The following ARHGEF17 variants were observed in gnomAD, a reference collection of about 807,000 sequenced individuals.
The protein encoded by ARHGEF17 is 164 kDa Rho-specific guanine-nucleotide exchange factor.
ARHGEF17 carries 80 observed loss-of-function variants against 174.0 expected under a neutral mutation model. That is an observed-to-expected ratio of 0.46 (90% CI 0.38 to 0.55). The LOEUF (loss-of-function observed/expected upper bound fraction) is 0.55. Ranked by LOEUF, ARHGEF17 falls within the 20% of genes least tolerant of loss-of-function variation. ARHGEF17 has a pLI of 0.00. For missense variants in ARHGEF17, 2,886 were observed against 2,839.7 expected (o/e 1.02, Z -0.37); for synonymous variants, 1,311 against 1,189.1 (o/e 1.10, Z -2.11).
Position 73,355,999 on chromosome 11 carries a change from G to A in ARHGEF17, c.3663+46G>A, listed in dbSNP as rs777246540. On this transcript the variant is annotated intron_variant, in intron 5 of 20. Transcript: ENST00000263674. ...GCAAGTGGGCAAGGCCTGGAAGCATGGGGGGATACAAGGAGGTCTAAGGCC... is the reference window on the plus strand; with the variant it reads ...GCAAGTGGGCAAGGCCTGGAAGCATAGGGGGATACAAGGAGGTCTAAGGCC... 6 of 1,609,036 alleles carry A rather than the reference G, an allele frequency of 3.7e-6. No individual in the cohort carries two copies. The East Asian group carries it at 1.1e-4, about 30-fold the overall frequency.
intron 2 of ARHGEF17, among the ~76,000 whole-genome samples, chr11:73,348,863 G>A (rs370720660): frequency 2.0e-5 from 3 of 152,156 alleles, no homozygotes; most frequent in East Asian, 1.9e-4. Flanking sequence ...CCCTGGTGTC[G>A]GGGTCAGGGA....
At chr11:73,367,371 A>C (rs1029947593) in intron 20 of ARHGEF17, among the ~76,000 whole-genome samples, 1 of 152,228 alleles carries the variant, frequency 6.6e-6, no homozygotes, top group Admixed American at 6.5e-5. Context: ...GTGACTCCTG[A>C]CTAGAGATTA....
In ARHGEF17 at chr11:73,309,996, C is replaced by T; in HGVS notation, c.1358C>T (p.Pro453Leu). 1 of 1,614,090 alleles carries T rather than the reference C, an allele frequency of 6.2e-7. No individual in the cohort carries two copies. Among genetic ancestry groups the T allele is most frequent in the Non-Finnish European group, 8.5e-7 (1 of 1,180,002 alleles). ...GCATTGAGGGATGGAGGATTTGAGC[C>T]TGAAAAGAGTCGACAGCGGAAGTCC... ...SRALRDGGFE[P>L]EKSRQRKSLS... The change falls in exon 1 of 21, where the codon CCT becomes CTT. Residue 453 changes from proline to leucine, a missense_variant. By Grantham distance (98) the Pro-to-Leu change is moderately conservative. Around this residue, in one of 4 missense-constraint regions of ARHGEF17, gnomAD observed 1,728 missense variants for 1,461.2 expected, o/e 1.18. Coordinates refer to ENST00000263674, the MANE Select transcript of ARHGEF17 (RefSeq NM_014786.4).
intron 3 of ARHGEF17, chr11:73,353,235 T>C (rs890344344): frequency 2.3e-5 from 14 of 605,420 alleles, no homozygotes; most frequent in African/African-American, 3.7e-5. Context: ...TGGCACGGAC[T>C]CCGACCCCAG....
chr11:73,314,123 G>A (rs1004325467), intron 1 of ARHGEF17, among the ~76,000 whole-genome samples: 1 of 152,168 alleles, frequency 6.6e-6, no homozygotes, highest in African/African-American at 2.4e-5. Context: ...CTTCCTTCTG[G>A]CTCCCAGAAT....
intron 8 of ARHGEF17, 27 bp from the exon 9 acceptor site, chr11:73,357,215 C>T (rs1865659159): frequency 6.2e-7 from 1 of 1,612,966 alleles, no homozygotes; most frequent in Non-Finnish European, 8.5e-7. Context: ...CCGACCCTGG[C>T]CAGAGCGCCC....
Position 73,309,940 on chromosome 11 carries a change from C to A in ARHGEF17, c.1302C>A (p.Thr434=), listed in dbSNP as rs759663609. Residue 434 remains threonine (T), a synonymous_variant, in exon 1 of 21, where the codon ACC becomes ACA. Transcript: ENST00000263674. ...GGCTCCTGCGGTCCCAGGCTCGAAC[C>A]CGTGCCAAAGGACCTGGAGGCACCT... ...GEGLLRSQAR[T]RAKGPGGTSR... is the part of the protein sequence containing the mutation. 2 of 1,613,720 alleles carry A rather than the reference C, an allele frequency of 1.2e-6. No individual in the cohort carries two copies. Among genetic ancestry groups the A allele is most frequent in the South Asian group, 2.2e-5 (2 of 91,078 alleles).
chr11:73,355,435 G>A (rs752645895), intron 3 of ARHGEF17, 98 bp from the exon 4 acceptor site: 25 of 765,844 alleles, frequency 3.3e-5, no homozygotes, highest in Non-Finnish European at 4.8e-5. Context: ...TCTAGTTGGA[G>A]GGAAAAGATG....
Position 73,360,385 on chromosome 11 carries a change from G to T in ARHGEF17, c.4272G>T (p.Ala1424=). 1 of 1,613,908 alleles carries T rather than the reference G, an allele frequency of 6.2e-7. No individual in the cohort carries two copies. Among genetic ancestry groups the T allele is most frequent in the Non-Finnish European group, 8.5e-7 (1 of 1,180,054 alleles). ...ACCGGGACCTGTCGGAGAAGCAGGC[G>T]CTGTGCTACGCGCTTTCCTTCCCGC... The part of the protein sequence containing the change: ...AMHRDLSEKQ[A]LCYALSFPPT... Residue 1424 remains alanine (A), a synonymous_variant, in exon 11 of 21, where the codon GCG becomes GCT. Coordinates refer to ENST00000263674, the MANE Select transcript of ARHGEF17 (RefSeq NM_014786.4).
intron 1 of ARHGEF17, among the ~76,000 whole-genome samples, chr11:73,324,614 A>G (rs1185855233): frequency 6.6e-6 from 1 of 152,224 alleles, no homozygotes; most frequent in Non-Finnish European, 1.5e-5. Context: ...GAGAGGTGGT[A>G]TTCAAACCAG....
At position 73,309,366 on chromosome 11, in the gene ARHGEF17, G is replaced by A. The variant is rs1457618516; in HGVS notation, c.728G>A (p.Ser243Asn). Residue 243 changes from serine (S) to asparagine (N), a missense_variant, in exon 1 of 21, where the codon AGC (serine) becomes AAC (asparagine). Physicochemically the swap from Ser to Asn is conservative, Grantham distance 46. Coordinates refer to ENST00000263674, the MANE Select transcript of ARHGEF17 (RefSeq NM_014786.4). ...TCCATCGCCGCCTCCTATCCTGTCA[G>A]CCGCAGTCGTGCTGCCAGCTCCAGC... is the stretch of plus-strand genomic sequence containing the variant. ...SSSIAASYPV[S>N]RSRAASSSEE... 3 of 1,598,690 alleles carry A rather than the reference G, an allele frequency of 1.9e-6. No homozygotes were observed. The highest frequency in any genetic ancestry group is 2.6e-6 in the Non-Finnish European group (3 of 1,173,468).
In ARHGEF17 at chr11:73,309,101, G is replaced by C; in HGVS notation, c.463G>C (p.Gly155Arg). ...SESPGTPSPD[G>R]AAWEPPARES... ...ATCCCCAGGAACGCCCAGCCCCGACGGTGCCGCGTGGGAGCCTCCGGCTCG... is the reference window on the plus strand; with the variant it reads ...ATCCCCAGGAACGCCCAGCCCCGACCGTGCCGCGTGGGAGCCTCCGGCTCG... The change falls in exon 1 of 21, where the codon GGT becomes CGT. Residue 155 changes from glycine to arginine, a missense_variant. Transcript: ENST00000263674. 3.2e-6 allele frequency: 5 copies of C among 1,553,622 alleles called. No homozygotes were observed. The highest frequency in any genetic ancestry group is 4.3e-6 in the Non-Finnish European group (5 of 1,153,020).
In ARHGEF17 at chr11:73,311,797, C is replaced by T. The variant is rs759028265; in HGVS notation, c.3159C>T (p.Thr1053=). 2 of 1,607,488 alleles carry T rather than the reference C, an allele frequency of 1.2e-6. No individual in the cohort carries two copies. The highest frequency in any genetic ancestry group is 2.2e-5 in the East Asian group (1 of 44,688). Residue 1053 remains threonine (T), a synonymous_variant, in exon 1 of 21, where the codon ACC becomes ACT. Coordinates refer to ENST00000263674, the MANE Select transcript of ARHGEF17 (RefSeq NM_014786.4). The part of the protein sequence containing the change: ...PEAARPADEP[T]PASKCCSKPQ... ...CAGCTCGGCCTGCAGATGAGCCTAC[C>T]CCTGCCAGCAAGTGCTGCAGCAAGC...
At position 73,309,539 on chromosome 11, in the gene ARHGEF17, C is replaced by T. The variant is rs1434015456; in HGVS notation, c.901C>T (p.Leu301=). 1.9e-6 allele frequency: 3 copies of T among 1,590,638 alleles called. No homozygotes were observed. The highest frequency in any genetic ancestry group is 1.3e-5 in the African/African-American group (1 of 74,168). Residue 301 remains leucine, a synonymous_variant, in exon 1 of 21, where the codon CTA becomes TTA. Coordinates refer to ENST00000263674, the MANE Select transcript of ARHGEF17 (RefSeq NM_014786.4). ...GCCCGGGCTCAGGCCTGGAAGCTCC[C>T]TATTGGATCAGGACTGCAGGCCTGA... is the stretch of plus-strand genomic sequence containing the variant. ...GRPGLRPGSS[L]LDQDCRPDSD...
Position 73,309,898 on chromosome 11 carries a change from C to G in ARHGEF17, c.1260C>G (p.Ser420Arg). 6.2e-7 allele frequency: 1 copy of G among 1,613,184 alleles called. No homozygotes were observed. Among genetic ancestry groups the G allele is most frequent in the Non-Finnish European group, 8.5e-7 (1 of 1,179,746 alleles). ...GCTGGGGCGTGTACCGCTCCCCTAGCTTTGGAGCTGGGGAAGGGCTCCTGC... is the reference window on the plus strand; with the variant it reads ...GCTGGGGCGTGTACCGCTCCCCTAGGTTTGGAGCTGGGGAAGGGCTCCTGC... ...SGGWGVYRSP[S>R]FGAGEGLLRS... The change falls in exon 1 of 21, where the codon AGC becomes AGG. Residue 420 changes from serine (S) to arginine (R), a missense_variant. Coordinates refer to ENST00000263674, the MANE Select transcript of ARHGEF17 (RefSeq NM_014786.4).
chr11:73,333,805 T>C (rs1247501298), intron 1 of ARHGEF17, among the ~76,000 whole-genome samples: 1 of 152,206 alleles, frequency 6.6e-6, no homozygotes, highest in Non-Finnish European at 1.5e-5. Context: ...GGTCTGGTTC[T>C]AGCTCAGCTG....
At chr11:73,329,409 T>TC (rs200987568) in intron 1 of ARHGEF17, among the ~76,000 whole-genome samples, 1,296 of 118,062 alleles carry the variant, frequency 0.011, 292 homozygotes, top group African/African-American at 0.06. Context: ...GTTTTTGTTT[T>TC]TTTTTTTTGA....
At chr11:73,330,000 T>C (rs1462535767) in intron 1 of ARHGEF17, among the ~76,000 whole-genome samples, 4 of 152,194 alleles carry the variant, frequency 2.6e-5, no homozygotes, top group Admixed American at 2.6e-4. Flanking sequence ...GTATTTTAAT[T>C]TGTATTTATC....
rs1294613311 is a variant in ARHGEF17, at chr11:73,368,235, G to A, written c.*455G>A. On this transcript the variant is annotated 3_prime_UTR_variant, in exon 21 of 21. Coordinates refer to ENST00000263674, the MANE Select transcript of ARHGEF17 (RefSeq NM_014786.4). Reference sequence around the variant, plus strand: ...TTATGCAGTGACCTGGTCACCTGGGGTGGGGGTGATTTGAGGAAATGACAT... The same window carrying A: ...TTATGCAGTGACCTGGTCACCTGGGATGGGGGTGATTTGAGGAAATGACAT... 1 of 155,138 alleles carries A rather than the reference G, an allele frequency of 6.4e-6. No homozygotes were observed. Among genetic ancestry groups the A allele is most frequent in the East Asian group, 1.9e-4 (1 of 5,284 alleles). The allele number at this position is 155,138 out of a possible 1,614,324, so 9.6% of individuals were successfully genotyped here. A position where few individuals can be genotyped will look rare whatever the true frequency, so the allele number is the denominator to read the frequency against.
Sources: gnomAD v4.1 joint callset for allele counts (sites outside exome capture counted in the v4.1 genomes callset) on GRCh38, gnomAD v4.1.1 for gene constraint, gnomAD v4.1.1 regional missense constraint, MANE v1.5 for transcripts, NCBI Gene and HGNC (gene_info 2026-07-23, HGNC 2026-07-21) for gene names.